Variants in ADGRB3 observed in about 807,000 individuals in gnomAD.
ADGRB3 encodes the protein adhesion G protein-coupled receptor B3.
ADGRB3 carries 37 observed loss-of-function variants against 193.4 expected under a neutral mutation model. The ratio of observed to expected loss-of-function variants is 0.19; its 90% CI spans 0.15 to 0.25. The LOEUF is 0.25. Among genes scored for constraint, ADGRB3 ranks in the 10% least tolerant of loss-of-function variants. The pLI, the probability that ADGRB3 is intolerant of heterozygous loss-of-function variation, is 1.00. For missense variants in ADGRB3, 1,637 were observed against 1,852.9 expected (o/e 0.88, Z 2.14); for synonymous variants, 690 against 644.2 (o/e 1.07, Z -1.08).
At chr6:68,856,697 T>C (rs1483416748) in intron 3 of ADGRB3, among the ~76,000 whole-genome samples, 1 of 152,216 alleles carries the variant, frequency 6.6e-6, no homozygotes, top group African/African-American at 2.4e-5. Flanking sequence ...GCCTATGTGA[T>C]AGAAAATAAA....
At position 69,068,874 on chromosome 6, in the gene ADGRB3, A is replaced by C. The variant is rs146913010; in HGVS notation, c.2436+5838A>C. Reference sequence around the variant, plus strand: ...AGATGGGACTCATTCTAATTAAAACAGTATTCTACATTTCTCACTTCAGTG... The same window carrying C: ...AGATGGGACTCATTCTAATTAAAACCGTATTCTACATTTCTCACTTCAGTG... On this transcript the variant is annotated intron_variant, in intron 16 of 31. Transcript: ENST00000370598. 1.1e-3 allele frequency among the ~76,000 whole-genome samples: 160 copies of C among 152,312 alleles called. 1 individual carries two copies. Among genetic ancestry groups the C allele is most frequent in the African/African-American group, 3.6e-3 (151 of 41,580 alleles).
At chr6:68,717,390 T>C (rs941565784) in intron 3 of ADGRB3, among the ~76,000 whole-genome samples, 1 of 151,722 alleles carries the variant, frequency 6.6e-6, no homozygotes, top group African/African-American at 2.4e-5. Flanking sequence ...TTTTAGAATG[T>C]TACATCATAA....
chr6:69,246,013 C>CCTG (rs1766492064), intron 20 of ADGRB3, among the ~76,000 whole-genome samples: 2 of 152,230 alleles, frequency 1.3e-5, no homozygotes, highest in African/African-American at 4.8e-5. Context: ...TAGACAGGAT[C>CCTG]TCAGCTAATA....
intron 3 of ADGRB3, among the ~76,000 whole-genome samples, chr6:68,874,548 G>A (rs899552812): frequency 1.3e-5 from 2 of 151,980 alleles, no homozygotes; most frequent in African/African-American, 2.4e-5. Flanking sequence ...CATGTGTTAA[G>A]CTTCAAATTT....
intron 3 of ADGRB3, among the ~76,000 whole-genome samples, chr6:68,848,012 T>A (rs1383402997): frequency 6.6e-6 from 1 of 151,080 alleles, no homozygotes. Context: ...AAAAAAGACG[T>A]CAACATAAAA....
chr6:69,130,191 A>G (rs1315589105), intron 17 of ADGRB3, among the ~76,000 whole-genome samples: 1 of 151,920 alleles, frequency 6.6e-6, no homozygotes, highest in Non-Finnish European at 1.5e-5. Flanking sequence ...GAATGAGCTC[A>G]TTTGGGCCTC....
intron 15 of ADGRB3, among the ~76,000 whole-genome samples, chr6:69,049,794 T>C (rs1328504483): frequency 1.3e-5 from 2 of 152,172 alleles, no homozygotes; most frequent in Non-Finnish European, 2.9e-5. Context: ...TGCTTTGAAA[T>C]AAATTTTCAA....
chr6:69,177,497 C>A (rs556123648), intron 17 of ADGRB3, among the ~76,000 whole-genome samples: 7 of 152,198 alleles, frequency 4.6e-5, no homozygotes, highest in Admixed American at 3.9e-4. Context: ...GCAGGGACTA[C>A]AGGTGCCTGC....
At chr6:68,901,472 G>A (rs1339497904) in intron 3 of ADGRB3, among the ~76,000 whole-genome samples, 2 of 152,180 alleles carry the variant, frequency 1.3e-5, no homozygotes, top group South Asian at 2.1e-4. Flanking sequence ...GTACAAGTGA[G>A]TCACTAAACC....
chr6:68,909,587 A>G (rs950436513), intron 3 of ADGRB3, among the ~76,000 whole-genome samples: 57 of 152,300 alleles, frequency 3.7e-4, no homozygotes, highest in African/African-American at 1.3e-3. Flanking sequence ...AAAAGGAAGA[A>G]AATGTTGACA....
At chr6:69,287,979 ATTTTG>A (rs1324029000) in intron 20 of ADGRB3, among the ~76,000 whole-genome samples, 1 of 151,962 alleles carries the variant, frequency 6.6e-6, no homozygotes, top group African/African-American at 2.4e-5. Context: ...TTGAATTCTC[ATTTTG>A]TTTTGTTATG....
intron 16 of ADGRB3, 111 bp downstream of exon 16, chr6:69,063,147 A>G (rs1294038436): frequency 2.7e-6 from 2 of 728,090 alleles, no homozygotes; most frequent in Non-Finnish European, 4.6e-6. Context: ...AGTTGCAAAT[A>G]TATTAACTTG....
intron 17 of ADGRB3, among the ~76,000 whole-genome samples, chr6:69,091,869 G>C (rs1205638007): frequency 6.6e-6 from 1 of 151,984 alleles, no homozygotes; most frequent in African/African-American, 2.4e-5. Flanking sequence ...TAAATGTTTG[G>C]AGTATTTTTG....
At chr6:69,260,033 CTGTTT>C (rs1766889367) in intron 20 of ADGRB3, among the ~76,000 whole-genome samples, 1 of 152,056 alleles carries the variant, frequency 6.6e-6, no homozygotes, top group Admixed American at 6.5e-5. Flanking sequence ...TGTGTAAAGT[CTGTTT>C]TAATACGCAA....
intron 8 of ADGRB3, among the ~76,000 whole-genome samples, chr6:68,961,043 C>G (rs1176447065): frequency 6.6e-6 from 1 of 152,066 alleles, no homozygotes; most frequent in African/African-American, 2.4e-5. Context: ...TTTTTTTCAT[C>G]CTTTTTCATA....
chr6:69,024,001 A>ATGAGAACT (rs1239836146), intron 13 of ADGRB3, among the ~76,000 whole-genome samples: 6 of 152,200 alleles, frequency 3.9e-5, no homozygotes, highest in Non-Finnish European at 8.8e-5. Context: ...AAAAAATAAA[A>ATGAGAACT]TGAGAACTTG....
At chr6:68,758,901 C>T (rs781765285) in intron 3 of ADGRB3, among the ~76,000 whole-genome samples, 2 of 152,078 alleles carry the variant, frequency 1.3e-5, no homozygotes, top group Admixed American at 6.6e-5. Flanking sequence ...GAATTACAAC[C>T]AGCTTTGTTC....
chr6:68,836,421 C>T (rs1370515478), intron 3 of ADGRB3, among the ~76,000 whole-genome samples: 1 of 152,016 alleles, frequency 6.6e-6, no homozygotes, highest in Non-Finnish European at 1.5e-5. Flanking sequence ...TTAGTTTCAG[C>T]AAAGATGGAG....
intron 26 of ADGRB3, among the ~76,000 whole-genome samples, chr6:69,352,190 A>G (rs1176260269): frequency 1.3e-5 from 2 of 152,172 alleles, no homozygotes; most frequent in African/African-American, 4.8e-5. Context: ...CTCATTACCA[A>G]TTTTCGATTA....
Sources: gnomAD v4.1 joint callset for allele counts (sites outside exome capture counted in the v4.1 genomes callset) on GRCh38, gnomAD v4.1.1 for gene constraint, MANE v1.5 for transcripts, NCBI Gene and HGNC (gene_info 2026-07-23, HGNC 2026-07-21) for gene names.